The following COG5 variants were observed in gnomAD, a reference collection of about 807,000 sequenced individuals.
COG5 encodes the protein component of oligomeric golgi complex 5.
In COG5, 86 loss-of-function variants were observed where a neutral mutation model predicts 110.4. The observed-to-expected ratio is 0.78, with a 90% CI of 0.65 to 0.93. COG5 has a LOEUF of 0.93. COG5 is among the 40% of genes least tolerant of loss of function. COG5 has a pLI of 0.00. For missense variants in COG5, 1,077 were observed against 987.0 expected (o/e 1.09, Z -1.22); for synonymous variants, 360 against 334.6 (o/e 1.08, Z -0.83).
intron 19 of COG5, among the ~76,000 whole-genome samples, chr7:107,219,233 T>C (rs972693011): frequency 6.6e-6 from 1 of 152,160 alleles, no homozygotes; most frequent in Admixed American, 6.5e-5. Context: ...TTGTACACTG[T>C]TGGTGGGAAT....
At chr7:107,461,529 T>C (rs1471921661) in intron 6 of COG5, among the ~76,000 whole-genome samples, 1 of 152,212 alleles carries the variant, frequency 6.6e-6, no homozygotes, top group East Asian at 1.9e-4. Context: ...CAGTTATGTC[T>C]GCTCTCACCA....
intron 7 of COG5, among the ~76,000 whole-genome samples, chr7:107,394,296 A>T (rs1467493361): frequency 1.9e-5 from 2 of 105,404 alleles, no homozygotes; most frequent in Non-Finnish European, 3.7e-5. Flanking sequence ...AAAGATACTT[A>T]AAAAAAAAAA....
chr7:107,443,404 C>A (rs1306896502), intron 6 of COG5, among the ~76,000 whole-genome samples: 1 of 151,902 alleles, frequency 6.6e-6, no homozygotes, highest in Non-Finnish European at 1.5e-5. Flanking sequence ...GAAGTGGTTT[C>A]GGGGAATAAT....
At chr7:107,462,817 T>C (rs910568789) in intron 6 of COG5, among the ~76,000 whole-genome samples, 1 of 152,164 alleles carries the variant, frequency 6.6e-6, no homozygotes, top group African/African-American at 2.4e-5. Flanking sequence ...AGGTACAGGT[T>C]TGAGTAAGCC....
At chr7:107,512,274 C>G (rs575179745) in intron 6 of COG5, among the ~76,000 whole-genome samples, 1 of 152,162 alleles carries the variant, frequency 6.6e-6, no homozygotes, top group Admixed American at 6.5e-5. Flanking sequence ...AGAGCCAAAT[C>G]ATGAGTGAAC....
Position 107,367,588 on chromosome 7 carries a change from T to C in COG5, c.835+5007A>G, listed in dbSNP as rs759081403. On this transcript the variant is annotated intron_variant, in intron 8 of 21. Transcript: ENST00000297135. ...TATATATACACACACACACACACCA[T>C]GGAACACTACTCAGCCATAAAAAAG... Among the ~76,000 whole-genome samples the C allele has an allele frequency of 5.8e-4, 88 of 151,196 alleles. 1 individual carries two copies. The highest frequency in any genetic ancestry group is 4.1e-4 in the Non-Finnish European group (28 of 67,752).
chr7:107,414,912 G>C (rs1210238489), intron 6 of COG5, among the ~76,000 whole-genome samples: 1 of 151,432 alleles, frequency 6.6e-6, no homozygotes, highest in Non-Finnish European at 1.5e-5. Context: ...TATTTTAGTA[G>C]AGACGGGGTT....
intron 10 of COG5, among the ~76,000 whole-genome samples, chr7:107,345,582 G>A (rs1453600618): frequency 6.6e-6 from 1 of 152,098 alleles, no homozygotes; most frequent in African/African-American, 2.4e-5. Context: ...GGGAGGTGGT[G>A]TTCAATGGAT....
intron 6 of COG5, among the ~76,000 whole-genome samples, chr7:107,461,047 A>C (rs1213779955): frequency 6.6e-6 from 1 of 152,158 alleles, no homozygotes; most frequent in Non-Finnish European, 1.5e-5. Context: ...TGATCTTACA[A>C]AAACATTTTC....
intron 5 of COG5, among the ~76,000 whole-genome samples, chr7:107,532,215 CCTGA>C (rs1377168592): frequency 6.6e-6 from 1 of 152,104 alleles, no homozygotes; most frequent in Non-Finnish European, 1.5e-5. Context: ...TGCCACCATG[CCTGA>C]CTAATTTTAG....
intron 14 of COG5, among the ~76,000 whole-genome samples, chr7:107,268,961 T>C (rs1049174296): frequency 1.3e-5 from 2 of 152,214 alleles, no homozygotes; most frequent in Non-Finnish European, 2.9e-5. Context: ...TATATTTATA[T>C]TTATTGTGAT....
Position 107,526,728 on chromosome 7 carries a change from C to T in COG5, c.538+509G>A, listed in dbSNP as rs182493184. ...AACACAAAGTAACAAACTATTAGTA[C>T]ACCCCAAAACTTGAATAAATCTCAA... On this transcript the variant is annotated intron_variant, in intron 6 of 21. Transcript: ENST00000297135. Among the ~76,000 whole-genome samples, 7 of 152,262 alleles carry T rather than the reference C, an allele frequency of 4.6e-5. No homozygotes were observed. The East Asian group carries it at 9.7e-4, about 21-fold the overall frequency.
At chr7:107,313,315 C>T (rs752921498) in intron 11 of COG5, among the ~76,000 whole-genome samples, 61 of 152,118 alleles carry the variant, frequency 4.0e-4, no homozygotes, top group Non-Finnish European at 6.5e-4. Flanking sequence ...CTAGAGTGAA[C>T]TGAAATAATC....
At chr7:107,319,612 C>A (rs1584672084) in intron 11 of COG5, among the ~76,000 whole-genome samples, 1 of 152,192 alleles carries the variant, frequency 6.6e-6, no homozygotes, top group African/African-American at 2.4e-5. Context: ...ACAAATTTTA[C>A]TCACTGTTCT....
intron 5 of COG5, among the ~76,000 whole-genome samples, chr7:107,539,355 C>T (rs1369406844): frequency 2.2e-4 from 34 of 152,140 alleles, no homozygotes; most frequent in Non-Finnish European, 1.5e-5. Context: ...TTCCAAGAAC[C>T]TATCAATGAC....
At chr7:107,377,992 G>A (rs145987737) in intron 7 of COG5, among the ~76,000 whole-genome samples, 4,316 of 152,292 alleles carry the variant, frequency 0.028, 189 homozygotes, top group African/African-American at 0.098. Flanking sequence ...CTCCCAGCAG[G>A]GGTCGACAGA....
At chr7:107,377,085 G>A (rs1241100712) in intron 7 of COG5, among the ~76,000 whole-genome samples, 1 of 152,014 alleles carries the variant, frequency 6.6e-6, no homozygotes. Context: ...CATAAAATGA[G>A]CAGGTACATA....
chr7:107,490,850 C>T (rs1176064522), intron 6 of COG5, among the ~76,000 whole-genome samples: 1 of 152,012 alleles, frequency 6.6e-6, no homozygotes, highest in African/African-American at 2.4e-5. Context: ...TAGTTTATGG[C>T]ATCACTTTAT....
intron 14 of COG5, among the ~76,000 whole-genome samples, chr7:107,260,207 G>A (rs1803223614): frequency 6.6e-6 from 1 of 151,860 alleles, no homozygotes; most frequent in African/African-American, 2.4e-5. Flanking sequence ...CAAATAAAAT[G>A]TAGAATATCC....
Sources: gnomAD v4.1 joint callset for allele counts (sites outside exome capture counted in the v4.1 genomes callset) on GRCh38, gnomAD v4.1.1 for gene constraint, MANE v1.5 for transcripts, NCBI Gene and HGNC (gene_info 2026-07-23, HGNC 2026-07-21) for gene names.